AP1G1: variants seen among roughly 807,000 people sequenced by gnomAD.
AP1G1 encodes the protein AP-1 complex subunit gamma-1.
AP1G1 carries 7 observed loss-of-function variants against 108.3 expected under a neutral mutation model. The observed-to-expected ratio is 0.06, with a 90% CI of 0.04 to 0.12. The LOEUF (loss-of-function observed/expected upper bound fraction) is 0.12, where lower values mean the gene tolerates loss of function less well. Among genes scored for constraint, AP1G1 ranks in the 10% least tolerant of loss-of-function variants. The probability of loss-of-function intolerance (pLI) is 1.00; values close to 1 mark genes in which losing one functional copy is unlikely to be tolerated. For synonymous variants in AP1G1, 379 were observed against 353.5 expected, an observed-to-expected ratio of 1.07 and a Z score of -0.81; for missense variants, 756 against 1,010.7, an observed-to-expected ratio of 0.75 and a Z score of 3.42.
chr16:71,808,756 C>T lies in AP1G1; in HGVS notation c.-4+7G>A, dbSNP rs1052885312. The T allele has an allele frequency of 1.7e-5, 22 of 1,289,476 alleles. No homozygotes were observed. The Admixed American group carries it at 4.6e-4, about 27-fold the overall frequency. 79.9% of individuals were successfully genotyped at this position (1,289,476 alleles called of 1,614,324 possible). A position where few individuals can be genotyped will look rare whatever the true frequency, so the allele number is the denominator to read the frequency against. ...AATATGCTCTCAGCGCCGGGAGTGA[C>T]ACTCACCGGCCCGAAACCTCGAATG... is the stretch of plus-strand genomic sequence containing the variant. On this transcript the variant is annotated splice_region_variant and intron_variant, in intron 1 of 22. Transcript: ENST00000299980.
Position 71,763,602 on chromosome 16 carries a change from C to T in AP1G1, c.918+748G>A, listed in dbSNP as rs550242575. On this transcript the variant is annotated intron_variant, in intron 9 of 22. Coordinates refer to ENST00000299980, the MANE Select transcript of AP1G1 (RefSeq NM_001128.6). Reference sequence around the variant, plus strand: ...TGGCTCCAAGATAATGTTAGGTGAACAAAGTATGGTGCGAACAATATATAT... The same window carrying T: ...TGGCTCCAAGATAATGTTAGGTGAATAAAGTATGGTGCGAACAATATATAT... 2.8e-3 allele frequency among the ~76,000 whole-genome samples: 423 copies of T among 152,116 alleles called. 2 individuals carry two copies. The highest frequency in any genetic ancestry group is 4.6e-3 in the Non-Finnish European group (315 of 67,994).
rs1429255621 is a variant in AP1G1, at chr16:71,729,245, T to G, written c.*3813A>C. 2 of 152,458 alleles carry G rather than the reference T, an allele frequency of 1.3e-5. No homozygotes were observed. Among genetic ancestry groups the G allele is most frequent in the African/African-American group, 4.8e-5 (2 of 41,386 alleles). 9.4% of individuals were successfully genotyped at this position (152,458 alleles called of 1,614,324 possible). A position where few individuals can be genotyped will look rare whatever the true frequency, so the allele number is the denominator to read the frequency against. ...CTTGGAAACAGCTTTTTAATATTTT[T>G]ACAGTAAAGAAGATGTGATGGGGCA... On this transcript the variant is annotated 3_prime_UTR_variant, in exon 23 of 23. Coordinates refer to ENST00000299980, the MANE Select transcript of AP1G1 (RefSeq NM_001128.6).
At chr16:71,798,326 G>A (rs1028082935) in intron 1 of AP1G1, among the ~76,000 whole-genome samples, 1 of 152,132 alleles carries the variant, frequency 6.6e-6, no homozygotes, top group East Asian at 1.9e-4. Flanking sequence ...ACCCTACCGA[G>A]TAGCCAGGAC....
In AP1G1 at chr16:71,764,373, T is replaced by A; in HGVS notation, c.895A>T (p.Ile299Phe). 1 of 1,604,836 alleles carries A rather than the reference T, an allele frequency of 6.2e-7. No individual in the cohort carries two copies. Among genetic ancestry groups the A allele is most frequent in the Non-Finnish European group, 8.5e-7 (1 of 1,174,684 alleles). Residue 299 changes from isoleucine to phenylalanine, a missense_variant, in exon 9 of 23, where the codon ATT becomes TTT. Ile to Phe is a conservative substitution (Grantham distance 21). Around this residue, in one of 3 missense-constraint regions of AP1G1, gnomAD observed 304 missense variants for 483.6 expected, o/e 0.63. Coordinates refer to ENST00000299980, the MANE Select transcript of AP1G1 (RefSeq NM_001128.6). The stretch of plus-strand genomic sequence containing the variant: ...ACTCGCAATCCACTCTCTGACTTAA[T>A]ATCCATGATAGTCAAAACCGTTTCA... ...LYETVLTIMD[I>F]KSESGLRVLA...
At chr16:71,766,473 A>T (rs562738042) in intron 6 of AP1G1, 1 of 464,066 alleles carries the variant, frequency 2.2e-6, no homozygotes, top group East Asian at 7.0e-5. Flanking sequence ...TGATATTAAA[A>T]CAAAAGGTTT....
intron 1 of AP1G1, among the ~76,000 whole-genome samples, chr16:71,791,673 CAAAAA>C (rs59552791): frequency 2.2e-5 from 2 of 90,310 alleles, no homozygotes; most frequent in Admixed American, 1.3e-4. Flanking sequence ...GACCCTGTCT[CAAAAA>C]AAAAAAAAAA....
At chr16:71,773,820 A>G (rs2031665153) in intron 3 of AP1G1, among the ~76,000 whole-genome samples, 1 of 150,406 alleles carries the variant, frequency 6.6e-6, no homozygotes, top group South Asian at 2.2e-4. Flanking sequence ...GCGGGCGCCT[A>G]TAATCCCAGC....
chr16:71,802,814 G>C (rs1210993654), intron 1 of AP1G1, among the ~76,000 whole-genome samples: 1 of 152,064 alleles, frequency 6.6e-6, no homozygotes. Flanking sequence ...CTTCTGACTT[G>C]GCTTCCCAAA....
intron 2 of AP1G1, 64 bp downstream of exon 2, chr16:71,789,215 G>T: frequency 1.4e-6 from 2 of 1,455,234 alleles, no homozygotes; most frequent in Non-Finnish European, 9.5e-7. Context: ...AGAAAAAGAT[G>T]GACAATCCCT....
chr16:71,801,238 G>A (rs983664627), intron 1 of AP1G1, among the ~76,000 whole-genome samples: 1 of 151,626 alleles, frequency 6.6e-6, no homozygotes, highest in East Asian at 1.9e-4. Flanking sequence ...CCCAGGAGGC[G>A]GAGATTCCCA....
intron 6 of AP1G1, chr16:71,767,830 A>T (rs777630028): frequency 6.3e-7 from 1 of 1,582,076 alleles, no homozygotes; most frequent in Non-Finnish European, 8.6e-7. Flanking sequence ...AAAGCTACTA[A>T]GGACCTAATG....
In AP1G1 at chr16:71,808,116, GAATT is replaced by G. The variant is rs528640947; in HGVS notation, c.-4+643_-4+646del. 1.8e-5 allele frequency: 21 copies of G among 1,153,542 alleles called. No homozygotes were observed. The East Asian group carries it at 1.3e-3, about 69-fold the overall frequency. 71.5% of individuals were successfully genotyped at this position (1,153,542 alleles called of 1,614,324 possible). ...TTTCAGGCAATCAGGAAGACCGGGAGAATTATTAGACGCTGACGTCCGCAGGGCC... is the reference window on the plus strand; with the variant it reads ...TTTCAGGCAATCAGGAAGACCGGGAGATTAGACGCTGACGTCCGCAGGGCC... On this transcript the variant is annotated intron_variant, in intron 1 of 22. Coordinates refer to ENST00000299980, the MANE Select transcript of AP1G1 (RefSeq NM_001128.6).
intron 22 of AP1G1, 68 bp downstream of exon 22, chr16:71,734,541 G>A (rs2045509996): frequency 1.5e-6 from 2 of 1,312,730 alleles, no homozygotes; most frequent in African/African-American, 1.5e-5. Flanking sequence ...AAGAAACAAA[G>A]CAGAATTTTA....
intron 1 of AP1G1, among the ~76,000 whole-genome samples, chr16:71,792,919 G>A (rs2032457920): frequency 1.3e-5 from 2 of 151,596 alleles, no homozygotes; most frequent in Admixed American, 1.3e-4. Context: ...TGCAATCACA[G>A]CACTTTGGGA....
chr16:71,806,819 T>A (rs2033012790), intron 1 of AP1G1: 5 of 695,122 alleles, frequency 7.2e-6, no homozygotes, highest in South Asian at 3.4e-5. Context: ...AAAATCTGCT[T>A]AAATAACAAG....
At chr16:71,802,099 T>C (rs1258195262) in intron 1 of AP1G1, among the ~76,000 whole-genome samples, 2 of 152,208 alleles carry the variant, frequency 1.3e-5, no homozygotes, top group African/African-American at 4.8e-5. Context: ...AATGTGTATT[T>C]GGTTGAAAGA....
At chr16:71,783,810 T>C (rs890133410) in intron 2 of AP1G1, among the ~76,000 whole-genome samples, 9 of 152,226 alleles carry the variant, frequency 5.9e-5, no homozygotes, top group South Asian at 2.1e-4. Context: ...CAGATTTCTA[T>C]GGAAATTCTT....
intron 1 of AP1G1, among the ~76,000 whole-genome samples, chr16:71,804,911 A>C (rs2032945428): frequency 6.6e-6 from 1 of 152,120 alleles, no homozygotes; most frequent in South Asian, 2.1e-4. Flanking sequence ...AGGAGGCTGA[A>C]GTGGGAGGAT....
At chr16:71,801,847 G>A (rs1299200662) in intron 1 of AP1G1, among the ~76,000 whole-genome samples, 2 of 151,554 alleles carry the variant, frequency 1.3e-5, no homozygotes, top group African/African-American at 4.8e-5. Flanking sequence ...GCATGAACCC[G>A]GGAGGCGGAG....
Sources: gnomAD v4.1 joint callset for allele counts (sites outside exome capture counted in the v4.1 genomes callset) on GRCh38, gnomAD v4.1.1 for gene constraint, gnomAD v4.1.1 regional missense constraint, MANE v1.5 for transcripts, NCBI Gene and HGNC (gene_info 2026-07-23, HGNC 2026-07-21) for gene names.